Variants in FHIT observed in about 807,000 individuals in gnomAD.
FHIT encodes bis(5'-adenosyl)-triphosphatase.
Under a neutral mutation model 17.9 loss-of-function variants are expected in FHIT, and 19 were observed. The observed-to-expected ratio is 1.06, with a 90% CI of 0.74 to 1.56. The LOEUF (loss-of-function observed/expected upper bound fraction) is 1.56. Ranked by LOEUF, FHIT falls within the 40% of genes most tolerant of loss-of-function variation. The probability of loss-of-function intolerance (pLI) is 0.00; values close to 1 mark genes in which losing one functional copy is unlikely to be tolerated. For synonymous variants in FHIT, 81 were observed against 69.7 expected, an observed-to-expected ratio of 1.16 and a Z score of -0.81; for missense variants, 248 against 189.2, an observed-to-expected ratio of 1.31 and a Z score of -1.82.
intron 5 of FHIT, among the ~76,000 whole-genome samples, chr3:60,276,814 AAGAG>A (rs962891551): frequency 2.0e-5 from 3 of 152,126 alleles, no homozygotes; most frequent in Non-Finnish European, 2.9e-5. Context: ...GAGAGGGAGA[AAGAG>A]AGAGAGTAGA....
intron 4 of FHIT, among the ~76,000 whole-genome samples, chr3:60,740,346 C>A (rs1216114576): frequency 1.3e-5 from 2 of 152,168 alleles, no homozygotes; most frequent in African/African-American, 4.8e-5. Context: ...CCCCTTCAAT[C>A]CTCAAATCCT....
intron 2 of FHIT, among the ~76,000 whole-genome samples, chr3:61,091,691 T>C (rs1236089145): frequency 6.6e-6 from 1 of 152,002 alleles, no homozygotes; most frequent in Non-Finnish European, 1.5e-5. Flanking sequence ...TTCACACCTG[T>C]AATCTTAGCA....
At chr3:60,250,940 G>A (rs892231138) in intron 5 of FHIT, among the ~76,000 whole-genome samples, 2 of 152,160 alleles carry the variant, frequency 1.3e-5, no homozygotes, top group Non-Finnish European at 2.9e-5. Context: ...CTCATTGTCT[G>A]AGTGGGTGAT....
Position 60,861,252 on chromosome 3 carries a change from C to G in FHIT, c.-110-39241G>C, listed in dbSNP as rs74204353. On this transcript the variant is annotated intron_variant, in intron 3 of 9. Coordinates refer to ENST00000492590, the MANE Select transcript of FHIT (RefSeq NM_002012.4). ...ATGATATATCATATCATATATGATA[C>G]ATATGATATATCATATCATATATCT... Among the ~76,000 whole-genome samples, 5 of 11,318 alleles carry G rather than the reference C, an allele frequency of 4.4e-4. No individual in the cohort carries two copies. The East Asian group carries it at 0.01, about 23-fold the overall frequency. The allele number at this position is 11,318 out of a possible 152,430, so 7.4% of individuals were successfully genotyped here.
At chr3:60,482,680 T>A (rs183073050) in intron 5 of FHIT, among the ~76,000 whole-genome samples, 14 of 152,072 alleles carry the variant, frequency 9.2e-5, no homozygotes, top group African/African-American at 3.4e-4. Context: ...AGTGTCCCAG[T>A]GTTAAGAGGA....
At chr3:59,864,063 A>G (rs1702524306) in intron 8 of FHIT, among the ~76,000 whole-genome samples, 1 of 152,214 alleles carries the variant, frequency 6.6e-6, no homozygotes, top group Admixed American at 6.6e-5. Flanking sequence ...TTCTGCCATG[A>G]CAACCAGCAA....
intron 5 of FHIT, among the ~76,000 whole-genome samples, chr3:60,234,108 G>A (rs1462691807): frequency 6.6e-6 from 1 of 152,142 alleles, no homozygotes; most frequent in African/African-American, 2.4e-5. Context: ...CATGCTTCCA[G>A]TGCCTATGAT....
At chr3:60,029,166 G>GA (rs1300913393) in intron 5 of FHIT, among the ~76,000 whole-genome samples, 1 of 152,102 alleles carries the variant, frequency 6.6e-6, no homozygotes, top group Non-Finnish European at 1.5e-5. Context: ...TTTATACTCT[G>GA]ATAACTTATA....
At chr3:60,289,122 A>C (rs1157945921) in intron 5 of FHIT, among the ~76,000 whole-genome samples, 1 of 152,194 alleles carries the variant, frequency 6.6e-6, no homozygotes, top group African/African-American at 2.4e-5. Context: ...AATTTACTTT[A>C]AAAGAAAGAG....
intron 3 of FHIT, among the ~76,000 whole-genome samples, chr3:60,919,239 T>C (rs1160916658): frequency 1.3e-5 from 2 of 152,206 alleles, no homozygotes; most frequent in Non-Finnish European, 2.9e-5. Context: ...ACACGCGTTA[T>C]ATTTGAGTGT....
intron 5 of FHIT, among the ~76,000 whole-genome samples, chr3:60,397,668 T>C (rs910173813): frequency 6.6e-6 from 1 of 152,120 alleles, no homozygotes; most frequent in Non-Finnish European, 1.5e-5. Context: ...GCCAAATGCC[T>C]AGGCATATAA....
intron 3 of FHIT, among the ~76,000 whole-genome samples, chr3:60,991,714 T>C (rs2030236256): frequency 6.6e-6 from 1 of 152,216 alleles, no homozygotes; most frequent in African/African-American, 2.4e-5. Context: ...CCCAGAGTCT[T>C]GGTGAAAATT....
intron 9 of FHIT, chr3:59,751,748 G>C (rs1307220155): frequency 1.3e-5 from 3 of 233,932 alleles, no homozygotes; most frequent in Non-Finnish European, 2.5e-5. Flanking sequence ...CAACTGAAGA[G>C]AAGAGTCCAC....
chr3:61,050,302 C>T (rs901737905), intron 2 of FHIT, among the ~76,000 whole-genome samples: 1 of 151,872 alleles, frequency 6.6e-6, no homozygotes, highest in Non-Finnish European at 1.5e-5. Flanking sequence ...GCAAATGATC[C>T]AGTTTCTCTC....
At chr3:60,229,134 T>A (rs1385513259) in intron 5 of FHIT, among the ~76,000 whole-genome samples, 1 of 152,100 alleles carries the variant, frequency 6.6e-6, no homozygotes, top group African/African-American at 2.4e-5. Flanking sequence ...AGTCATTACC[T>A]GGCCACTTGC....
rs5849376 is a variant in FHIT at position 60,550,611 on chromosome 3, ATTTT to A, written c.-17-13636_-17-13633del. ...TCAGTTACCTCTTCTCTGTTCTGTC[ATTTT>A]TTTTTTTTTTGTAAACCTACTTGTT... On this transcript the variant is annotated intron_variant, in intron 4 of 9. Transcript: ENST00000492590. Among the ~76,000 whole-genome samples, 4 of 138,480 alleles carry A rather than the reference ATTTT, an allele frequency of 2.9e-5. No individual in the cohort carries two copies. In the South Asian group the frequency reaches 9.0e-4, roughly 31 times the overall value. The allele number at this position is 138,480 out of a possible 152,430, so 90.8% of individuals were successfully genotyped here.
At chr3:60,797,414 A>G (rs964982850) in intron 4 of FHIT, among the ~76,000 whole-genome samples, 3 of 151,948 alleles carry the variant, frequency 2.0e-5, no homozygotes, top group African/African-American at 7.3e-5. Context: ...AAAAAGAGAA[A>G]TTAATTCATG....
chr3:60,716,270 C>A (rs188773545), intron 4 of FHIT, among the ~76,000 whole-genome samples: 1 of 152,190 alleles, frequency 6.6e-6, no homozygotes, highest in East Asian at 1.9e-4. Flanking sequence ...CACACTCACA[C>A]ACACACACAT....
At chr3:60,152,378 T>G (rs11716313) in intron 5 of FHIT, among the ~76,000 whole-genome samples, 3,084 of 152,330 alleles carry the variant, frequency 0.02, 58 homozygotes, top group Middle Eastern at 0.048. Flanking sequence ...TAGCTATTAC[T>G]AATGTGATGC....
Sources: allele counts gnomAD v4.1 joint callset (sites outside exome capture counted in the v4.1 genomes callset), GRCh38; gene constraint gnomAD v4.1.1; transcripts MANE v1.5; gene names NCBI Gene and HGNC (gene_info 2026-07-23, HGNC 2026-07-21).